The following NT5E variants were observed in gnomAD, a reference collection of about 807,000 sequenced individuals.
NT5E encodes the protein 5'-nucleotidase.
In NT5E, 53 loss-of-function variants were observed where a neutral mutation model predicts 55.1. The ratio of observed to expected loss-of-function variants is 0.96; its 90% CI spans 0.77 to 1.21. The LOEUF is 1.21. Among genes scored for constraint, NT5E ranks in the 50% most tolerant of loss-of-function variants. NT5E has a pLI of 0.00. For synonymous variants in NT5E, 270 were observed against 278.4 expected, an observed-to-expected ratio of 0.97 and a Z score of 0.30; for missense variants, 683 against 724.3, an observed-to-expected ratio of 0.94 and a Z score of 0.65.
chr6:85,474,563 G>T (rs1769386845), intron 3 of NT5E, among the ~76,000 whole-genome samples: 6 of 152,134 alleles, frequency 3.9e-5, no homozygotes, highest in Non-Finnish European at 8.8e-5. Flanking sequence ...TTTCATGATT[G>T]CTTACCAAGA....
intron 6 of NT5E, 124 bp from the exon 7 acceptor site, chr6:85,490,384 A>T: frequency 9.0e-7 from 1 of 1,111,286 alleles, no homozygotes; most frequent in Non-Finnish European, 1.4e-6. Flanking sequence ...AGACATAGCT[A>T]ATGATGCTCT....
In NT5E at chr6:85,485,243, C is replaced by T. The variant is rs1322322612; in HGVS notation, c.760C>T (p.Pro254Ser). 1 of 1,614,130 alleles carries T rather than the reference C, an allele frequency of 6.2e-7. No individual in the cohort carries two copies. The highest frequency in any genetic ancestry group is 8.5e-7 in the Non-Finnish European group (1 of 1,180,010). ...TGGCTCTTTTATTTCAGGCAATCCACCTTCCAAAGAGGTGCCTGCTGGGAA... is the reference window on the plus strand; with the variant it reads ...TGGCTCTTTTATTTCAGGCAATCCATCTTCCAAAGAGGTGCCTGCTGGGAA... ...SNTFLYTGNP[P>S]SKEVPAGKYP... Residue 254 changes from proline to serine, a missense_variant, in exon 4 of 9, where the codon CCT becomes TCT. Transcript: ENST00000257770.
chr6:85,478,351 A>C (rs990844326), intron 3 of NT5E, among the ~76,000 whole-genome samples: 1 of 152,238 alleles, frequency 6.6e-6, no homozygotes, highest in Non-Finnish European at 1.5e-5. Flanking sequence ...AATTATAAGG[A>C]AAGGTGATGG....
At chr6:85,472,184 G>A (rs1020414437) in intron 3 of NT5E, among the ~76,000 whole-genome samples, 5 of 152,174 alleles carry the variant, frequency 3.3e-5, no homozygotes, top group Admixed American at 2.0e-4. Context: ...GAAGAGGCTG[G>A]TAAACAGTTC....
intron 7 of NT5E, 102 bp from the exon 8 acceptor site, chr6:85,491,875 A>C: frequency 9.0e-5 from 92 of 1,023,572 alleles, no homozygotes; most frequent in Non-Finnish European, 1.1e-4. Context: ...ACCAAAGGAA[A>C]AACCACAGCC....
At chr6:85,478,479 G>A (rs921730272) in intron 3 of NT5E, among the ~76,000 whole-genome samples, 3 of 152,140 alleles carry the variant, frequency 2.0e-5, no homozygotes, top group African/African-American at 7.2e-5. Flanking sequence ...CATTTCTCCA[G>A]CTTTCACTGG....
In NT5E at chr6:85,491,976, G is replaced by C. The variant is rs1186232072; in HGVS notation, c.1361-1G>C. 6.2e-7 allele frequency: 1 copy of C among 1,613,334 alleles called. No individual in the cohort carries two copies. Among genetic ancestry groups the C allele is most frequent in the South Asian group, 1.1e-5 (1 of 91,070 alleles). On this transcript the variant is annotated splice_acceptor_variant, in intron 7 of 8. Transcript: ENST00000257770. LOFTEE classifies it high-confidence loss of function. Reference sequence around the variant, plus strand: ...TGAAAACAGATTCATTTCTTTTCTAGGAATCCATGTGGTGTATGATCTTTC... The same window carrying C: ...TGAAAACAGATTCATTTCTTTTCTACGAATCCATGTGGTGTATGATCTTTC...
Position 85,471,406 on chromosome 6 carries a change from C to G in NT5E, c.732C>G (p.Ser244=). Residue 244 remains serine (S), a synonymous_variant, in exon 3 of 9, where the codon TCC becomes TCG. Transcript: ENST00000257770. ...TGGACGTCGTGGTGGGAGGACACTC[C>G]AACACATTTCTTTACACAGGTAATT... is the stretch of plus-strand genomic sequence containing the variant. ...RGVDVVVGGH[S]NTFLYTGNPP... 6.2e-7 allele frequency: 1 copy of G among 1,612,720 alleles called. No homozygotes were observed.
At position 85,466,449 on chromosome 6, in the gene NT5E, A is replaced by C. The variant is rs544368932; in HGVS notation, c.340-611A>C. Reference sequence around the variant, plus strand: ...GGTGCCCAGAGCTGACTGGAGGAGGAAGCCAGAGCCACACTGGAACATATG... The same window carrying C: ...GGTGCCCAGAGCTGACTGGAGGAGGCAGCCAGAGCCACACTGGAACATATG... On this transcript the variant is annotated intron_variant, in intron 1 of 8. Coordinates refer to ENST00000257770, the MANE Select transcript of NT5E (RefSeq NM_002526.4). 2.6e-5 allele frequency among the ~76,000 whole-genome samples: 4 copies of C among 152,248 alleles called. No homozygotes were observed. The South Asian group carries it at 8.3e-4, about 32-fold the overall frequency.
intron 3 of NT5E, among the ~76,000 whole-genome samples, chr6:85,473,291 A>G (rs924548097): frequency 7.9e-5 from 12 of 152,278 alleles, no homozygotes; most frequent in African/African-American, 2.6e-4. Flanking sequence ...TGATAACAAC[A>G]GTACCTATTA....
chr6:85,466,935 C>G (rs1018405241), intron 1 of NT5E, 125 bp from the exon 2 acceptor site: 16 of 897,214 alleles, frequency 1.8e-5, no homozygotes, highest in Admixed American at 1.2e-4. Flanking sequence ...CTGGGCCTGA[C>G]CCAGGTGAGG....
intron 6 of NT5E, among the ~76,000 whole-genome samples, chr6:85,490,137 C>T (rs79114925): frequency 0.02 from 3,029 of 152,308 alleles, 102 homozygotes; most frequent in African/African-American, 0.068. Context: ...AGGCCCCAAA[C>T]GCATCCCATT....
rs781623856 is a variant in NT5E at position 85,467,301 on chromosome 6, G to A, written c.562+19G>A. 6.3e-7 allele frequency: 1 copy of A among 1,590,344 alleles called. No individual in the cohort carries two copies. The highest frequency in any genetic ancestry group is 8.6e-7 in the Non-Finnish European group (1 of 1,158,870). On this transcript the variant is annotated intron_variant, in intron 2 of 8. Transcript: ENST00000257770. ...AATCCAGGTATTTTCTACTTTTATA[G>A]CACTCAATGCTTGAAAATAGATGCC...
intron 5 of NT5E, among the ~76,000 whole-genome samples, chr6:85,488,085 C>G (rs528341842): frequency 1.3e-5 from 2 of 152,330 alleles, no homozygotes; most frequent in African/African-American, 4.8e-5. Context: ...ACAGGAACCT[C>G]TTTCACAGGC....
chr6:85,476,344 G>T (rs933385917), intron 3 of NT5E, among the ~76,000 whole-genome samples: 2 of 152,202 alleles, frequency 1.3e-5, no homozygotes, highest in Non-Finnish European at 2.9e-5. Flanking sequence ...GGGTTGTCTT[G>T]TTTACTCATC....
Position 85,455,529 on chromosome 6 carries a change from G to A in NT5E, c.339+5051G>A, listed in dbSNP as rs1768970847. 3.3e-5 allele frequency among the ~76,000 whole-genome samples: 5 copies of A among 152,298 alleles called. No homozygotes were observed. In the South Asian group the frequency reaches 1.0e-3, roughly 32 times the overall value. ...AGCTCCGCATTGCCCCCATATCTTGGCCTATCCATTCTTCACTTGGCTGTT... is the reference window on the plus strand; with the variant it reads ...AGCTCCGCATTGCCCCCATATCTTGACCTATCCATTCTTCACTTGGCTGTT... On this transcript the variant is annotated intron_variant, in intron 1 of 8. Transcript: ENST00000257770.
At chr6:85,481,733 A>G (rs1282654820) in intron 3 of NT5E, among the ~76,000 whole-genome samples, 2 of 152,236 alleles carry the variant, frequency 1.3e-5, no homozygotes, top group African/African-American at 2.4e-5. Context: ...AGCTGGCGTG[A>G]TAAGAAAGGG....
chr6:85,450,550 T>TG lies in NT5E; in HGVS notation c.339+74dup. On this transcript the variant is annotated intron_variant, in intron 1 of 8. Transcript: ENST00000257770. The surrounding 1 kb of genome is among the most constrained non-coding windows in gnomAD (Gnocchi z 4.0). Reference sequence around the variant, plus strand: ...GGAGCCGGGCTGGAAAAGCAGCGGATGGCAGAGTGTGGCAAGCCTAGGTCC... The same window carrying TG: ...GGAGCCGGGCTGGAAAAGCAGCGGATGGGCAGAGTGTGGCAAGCCTAGGTCC... The TG allele has an allele frequency of 7.3e-7, 1 of 1,371,454 alleles. No individual in the cohort carries two copies. The highest frequency in any genetic ancestry group is 1.2e-5 in the South Asian group (1 of 80,196). 85.0% of individuals were successfully genotyped at this position (1,371,454 alleles called of 1,614,324 possible). A position where few individuals can be genotyped will look rare whatever the true frequency, so the allele number is the denominator to read the frequency against.
chr6:85,450,497 C>T lies in NT5E; in HGVS notation c.339+19C>T, dbSNP rs1405510400. 6.4e-7 allele frequency: 1 copy of T among 1,568,002 alleles called. No individual in the cohort carries two copies. Among genetic ancestry groups the T allele is most frequent in the Non-Finnish European group, 8.7e-7 (1 of 1,155,876 alleles). On this transcript the variant is annotated intron_variant, in intron 1 of 8. Coordinates refer to ENST00000257770, the MANE Select transcript of NT5E (RefSeq NM_002526.4). The surrounding 1 kb of genome is among the most constrained non-coding windows in gnomAD (Gnocchi z 4.0). ...TGCCATGGTAAGACCCGAGCCCGCG[C>T]CCGGGATAGTAGTCCCGGACTGAGA... is the stretch of plus-strand genomic sequence containing the variant.
Sources: allele counts gnomAD v4.1 joint callset (sites outside exome capture counted in the v4.1 genomes callset), GRCh38; gene constraint gnomAD v4.1.1; non-coding constraint Gnocchi (gnomAD v3.1); transcripts MANE v1.5; gene names NCBI Gene and HGNC (gene_info 2026-07-23, HGNC 2026-07-21).